The following ERC2 variants were observed in gnomAD, a reference collection of about 807,000 sequenced individuals.
The protein encoded by ERC2 is ELKS/RAB6-interacting/CAST family member 2, also known as ERC protein 2.
ERC2 carries 42 observed loss-of-function variants against 114.8 expected under a neutral mutation model. The observed-to-expected ratio is 0.37, with a 90% CI of 0.29 to 0.47. ERC2 has a LOEUF of 0.47. ERC2 is among the 20% of genes least tolerant of loss of function. The probability of loss-of-function intolerance (pLI) is 0.99; values close to 1 mark genes in which losing one functional copy is unlikely to be tolerated. For synonymous variants in ERC2, 454 were observed against 425.5 expected, an observed-to-expected ratio of 1.07 and a Z score of -0.82; for missense variants, 939 against 1,150.7, an observed-to-expected ratio of 0.82 and a Z score of 2.66.
chr3:56,113,662 T>C (rs555381391), intron 6 of ERC2, among the ~76,000 whole-genome samples: 1 of 152,282 alleles, frequency 6.6e-6, no homozygotes, highest in Non-Finnish European at 1.5e-5. Context: ...AAAATTAAAC[T>C]CAATTCCGAC....
intron 6 of ERC2, among the ~76,000 whole-genome samples, chr3:56,108,340 G>A (rs2078777810): frequency 6.6e-6 from 1 of 151,992 alleles, no homozygotes; most frequent in Non-Finnish European, 1.5e-5. Flanking sequence ...ATGTTTTGAA[G>A]TTTATCGCAG....
At chr3:55,997,774 T>C (rs116310728) in intron 10 of ERC2, among the ~76,000 whole-genome samples, 182 of 150,406 alleles carry the variant, frequency 1.2e-3, no homozygotes, top group Middle Eastern at 3.5e-3. Flanking sequence ...TTTAGAAAAT[T>C]AAATTTCATT....
At chr3:56,416,786 A>G (rs1209839926) in intron 2 of ERC2, among the ~76,000 whole-genome samples, 4 of 152,000 alleles carry the variant, frequency 2.6e-5, no homozygotes, top group African/African-American at 7.2e-5. Context: ...CCATACAGGC[A>G]GGAAGTTTTT....
At chr3:56,411,333 C>G (rs1431636792) in intron 2 of ERC2, among the ~76,000 whole-genome samples, 2 of 151,760 alleles carry the variant, frequency 1.3e-5, no homozygotes, top group Non-Finnish European at 2.9e-5. Flanking sequence ...CATCTGCTTG[C>G]CTGCCTCACC....
chr3:55,764,519 C>T (rs1274210867), intron 14 of ERC2, among the ~76,000 whole-genome samples: 4 of 152,210 alleles, frequency 2.6e-5, no homozygotes, highest in Non-Finnish European at 5.9e-5. Context: ...TGAATGACTA[C>T]ACAAATGAAG....
At chr3:55,715,011 T>C (rs1460464277) in intron 15 of ERC2, among the ~76,000 whole-genome samples, 2 of 152,128 alleles carry the variant, frequency 1.3e-5, no homozygotes, top group Admixed American at 6.5e-5. Flanking sequence ...TTGCCTTCTA[T>C]TTTAGTGAAC....
At chr3:56,374,919 C>T (rs910144682) in intron 2 of ERC2, among the ~76,000 whole-genome samples, 2 of 152,102 alleles carry the variant, frequency 1.3e-5, no homozygotes, top group Non-Finnish European at 2.9e-5. Flanking sequence ...AGTTTCAATG[C>T]AATAATATTT....
chr3:55,693,872 C>CTAATTTTTG (rs1343644791), intron 16 of ERC2, among the ~76,000 whole-genome samples: 4 of 152,016 alleles, frequency 2.6e-5, no homozygotes, highest in Non-Finnish European at 5.9e-5. Context: ...CCACACCCGG[C>CTAATTTTTG]TAATTTTTGT....
chr3:56,358,516 A>G (rs1474134045), intron 2 of ERC2, among the ~76,000 whole-genome samples: 2 of 152,228 alleles, frequency 1.3e-5, no homozygotes, highest in African/African-American at 4.8e-5. Context: ...GCCTACTTCA[A>G]TCTAGCTTAC....
intron 3 of ERC2, among the ~76,000 whole-genome samples, chr3:56,211,948 G>A (rs1208954614): frequency 2.0e-5 from 3 of 151,984 alleles, no homozygotes; most frequent in Non-Finnish European, 2.9e-5. Flanking sequence ...TACAAAAATC[G>A]ACTCAAGATG....
chr3:56,416,310 A>G (rs2061152163), intron 2 of ERC2, among the ~76,000 whole-genome samples: 1 of 152,074 alleles, frequency 6.6e-6, no homozygotes, highest in Admixed American at 6.6e-5. Flanking sequence ...CCCAAAGCTG[A>G]TCTGTCTCCC....
At chr3:55,694,017 A>G (rs1376846913) in intron 16 of ERC2, among the ~76,000 whole-genome samples, 2 of 152,214 alleles carry the variant, frequency 1.3e-5, no homozygotes, top group African/African-American at 4.8e-5. Context: ...CAAAGATGAC[A>G]TTTAATTCAA....
At chr3:56,277,691 A>G (rs2054090185) in intron 3 of ERC2, among the ~76,000 whole-genome samples, 5 of 151,810 alleles carry the variant, frequency 3.3e-5, no homozygotes, top group Admixed American at 3.3e-4. Context: ...CCGTTCACCC[A>G]TATATTTTCA....
intron 15 of ERC2, among the ~76,000 whole-genome samples, chr3:55,714,749 A>C (rs1394511053): frequency 6.8e-6 from 1 of 146,182 alleles, no homozygotes; most frequent in Non-Finnish European, 1.5e-5. Context: ...AACCATTTAT[A>C]ATTATTGCTG....
At chr3:56,002,511 T>G (rs754162690) in intron 10 of ERC2, among the ~76,000 whole-genome samples, 2 of 152,168 alleles carry the variant, frequency 1.3e-5, no homozygotes, top group Non-Finnish European at 2.9e-5. Context: ...TTTACAAATA[T>G]TTTTACTAGT....
chr3:55,621,359 TC>T (rs1288248642), intron 17 of ERC2, among the ~76,000 whole-genome samples: 1 of 152,080 alleles, frequency 6.6e-6, no homozygotes, highest in Non-Finnish European at 1.5e-5. Flanking sequence ...GGGCAAACAC[TC>T]CCTCATGAAA....
At chr3:55,869,577 T>A (rs546515084) in intron 14 of ERC2, among the ~76,000 whole-genome samples, 6 of 152,184 alleles carry the variant, frequency 3.9e-5, no homozygotes, top group African/African-American at 1.4e-4. Context: ...TCAGTTGAAA[T>A]GACCCTCCCT....
chr3:55,799,470 T>C (rs2070864420), intron 14 of ERC2, among the ~76,000 whole-genome samples: 1 of 96,096 alleles, frequency 1.0e-5, no homozygotes, highest in East Asian at 3.2e-4. Context: ...TATATATATA[T>C]ATATGCCTTA....
chr3:55,591,406 T>G (rs1407476819), intron 17 of ERC2, among the ~76,000 whole-genome samples: 4 of 152,006 alleles, frequency 2.6e-5, no homozygotes, highest in African/African-American at 9.7e-5. Flanking sequence ...ACATTATGGG[T>G]GGAATGGAAC....
Sources: allele counts gnomAD v4.1 joint callset (sites outside exome capture counted in the v4.1 genomes callset), GRCh38; gene constraint gnomAD v4.1.1; transcripts MANE v1.5; gene names NCBI Gene and HGNC (gene_info 2026-07-23, HGNC 2026-07-21).